IGSF11: variants seen among roughly 807,000 people sequenced by gnomAD.
IGSF11 encodes immunoglobulin superfamily member 11.
Under a neutral mutation model 41.0 loss-of-function variants are expected in IGSF11, and 22 were observed. The ratio of observed to expected loss-of-function variants is 0.54; its 90% CI spans 0.38 to 0.77. The LOEUF is 0.77. Ranked by LOEUF, IGSF11 falls within the 30% of genes least tolerant of loss-of-function variation. The probability of loss-of-function intolerance (pLI) is 0.00; values close to 1 mark genes in which losing one functional copy is unlikely to be tolerated. For synonymous variants in IGSF11, 219 were observed against 201.3 expected, an observed-to-expected ratio of 1.09 and a Z score of -0.74; for missense variants, 444 against 530.8, an observed-to-expected ratio of 0.84 and a Z score of 1.61.
At chr3:119,041,736 A>G (rs1157214957) in intron 1 of IGSF11, among the ~76,000 whole-genome samples, 1 of 152,234 alleles carries the variant, frequency 6.6e-6, no homozygotes, top group African/African-American at 2.4e-5. Flanking sequence ...ACTTATCAAC[A>G]TTTGCTCAAA....
rs1202738682 is a variant in IGSF11, at chr3:119,126,012, C to G, written c.-14+19801G>C. On this transcript the variant is annotated intron_variant, in intron 1 of 7. Transcript: ENST00000425327. ...GGAATCTGCTTAAGCCTACCAAACTCCTGTGGGGAGGGGCGACCAGCACCG... is the reference window on the plus strand; with the variant it reads ...GGAATCTGCTTAAGCCTACCAAACTGCTGTGGGGAGGGGCGACCAGCACCG... Among the ~76,000 whole-genome samples the G allele has an allele frequency of 2.0e-5, 3 of 152,262 alleles. No homozygotes were observed. The East Asian group carries it at 5.8e-4, about 29-fold the overall frequency.
chr3:118,933,042 G>T, intron 1 of IGSF11, among the ~76,000 whole-genome samples: 1 of 152,352 alleles, frequency 6.6e-6, no homozygotes, highest in South Asian at 2.1e-4. Context: ...GCAACAGGAC[G>T]GTTGGCACAG....
In IGSF11 at chr3:118,902,351, T is replaced by C; in HGVS notation, c.*169A>G. ...AAGTCTTCATGATGGAGCATTTCAGTCCATTTTACACATCTTAGTGGCCAA... is the reference window on the plus strand; with the variant it reads ...AAGTCTTCATGATGGAGCATTTCAGCCCATTTTACACATCTTAGTGGCCAA... On this transcript the variant is annotated 3_prime_UTR_variant, in exon 7 of 7. Transcript: ENST00000393775. 1 of 583,012 alleles carries C rather than the reference T, an allele frequency of 1.7e-6. No individual in the cohort carries two copies. The highest frequency in any genetic ancestry group is 3.0e-6 in the Non-Finnish European group (1 of 330,562). 36.1% of individuals were successfully genotyped at this position (583,012 alleles called of 1,614,324 possible).
intron 1 of IGSF11, among the ~76,000 whole-genome samples, chr3:119,135,326 TA>T (rs1290920430): frequency 6.6e-6 from 1 of 152,190 alleles, no homozygotes; most frequent in East Asian, 1.9e-4. Context: ...GACAAAGGGC[TA>T]ATATCCAGAA....
intron 4 of IGSF11, among the ~76,000 whole-genome samples, chr3:118,920,856 A>G (rs34213801): frequency 0.013 from 1,943 of 152,306 alleles, 20 homozygotes; most frequent in Non-Finnish European, 0.024. Context: ...CAATGCATGT[A>G]CAAATACCCT....
intron 4 of IGSF11, among the ~76,000 whole-genome samples, chr3:118,913,096 A>C (rs1031026752): frequency 9.9e-5 from 15 of 152,118 alleles, no homozygotes; most frequent in African/African-American, 3.6e-4. Flanking sequence ...ATCTGGAAAA[A>C]TAAAAAACAA....
At chr3:119,092,097 C>T (rs1468389861) in intron 1 of IGSF11, among the ~76,000 whole-genome samples, 1 of 151,586 alleles carries the variant, frequency 6.6e-6, no homozygotes, top group Non-Finnish European at 1.5e-5. Flanking sequence ...CTGAAACCTC[C>T]GCCTCCTGGG....
intron 1 of IGSF11, among the ~76,000 whole-genome samples, chr3:119,065,665 C>A (rs1576755001): frequency 6.6e-6 from 1 of 151,792 alleles, no homozygotes; most frequent in African/African-American, 2.4e-5. Context: ...TGGTGGTGTG[C>A]AACTGTAATC....
intron 1 of IGSF11, among the ~76,000 whole-genome samples, chr3:119,042,922 C>T (rs144947821): frequency 0.014 from 2,095 of 152,212 alleles, 35 homozygotes; most frequent in African/African-American, 0.048. Flanking sequence ...TCTTAGAGCT[C>T]CCAAGATGGT....
At chr3:119,039,940 A>T (rs1342771630) in intron 1 of IGSF11, among the ~76,000 whole-genome samples, 1 of 152,222 alleles carries the variant, frequency 6.6e-6, no homozygotes, top group East Asian at 1.9e-4. Context: ...TCCTGGGCGT[A>T]GGCTGAACTA....
chr3:119,078,744 C>A (rs1169957320), intron 1 of IGSF11, among the ~76,000 whole-genome samples: 5 of 152,090 alleles, frequency 3.3e-5, no homozygotes, highest in African/African-American at 1.2e-4. Flanking sequence ...AGAGCTTCTG[C>A]AAAGCAAACA....
At chr3:119,004,064 T>C (rs975097683) in intron 1 of IGSF11, among the ~76,000 whole-genome samples, 1 of 151,824 alleles carries the variant, frequency 6.6e-6, no homozygotes, top group Non-Finnish European at 1.5e-5. Flanking sequence ...GTACCTCTGG[T>C]AGAATTCGGC....
intron 4 of IGSF11, among the ~76,000 whole-genome samples, chr3:118,911,244 T>G (rs555268541): frequency 7.3e-5 from 11 of 151,212 alleles, no homozygotes; most frequent in African/African-American, 2.7e-4. Context: ...GTTTGCTTCA[T>G]GTCAGAGGGC....
intron 1 of IGSF11, among the ~76,000 whole-genome samples, chr3:119,044,576 T>C (rs1247587539): frequency 6.6e-6 from 1 of 152,142 alleles, no homozygotes; most frequent in Non-Finnish European, 1.5e-5. Flanking sequence ...GGTAAGTTCA[T>C]CACAAAAAGA....
chr3:119,069,918 T>A (rs1318601904), intron 1 of IGSF11, among the ~76,000 whole-genome samples: 2 of 152,182 alleles, frequency 1.3e-5, no homozygotes. Context: ...AATGATTCAC[T>A]CGAGTATGAG....
chr3:119,116,105 G>T (rs1265832694), intron 1 of IGSF11, among the ~76,000 whole-genome samples: 1 of 152,140 alleles, frequency 6.6e-6, no homozygotes, highest in African/African-American at 2.4e-5. Context: ...CATTATTTCT[G>T]GGTGTGTCTG....
chr3:118,992,972 T>C (rs528622549), intron 1 of IGSF11, among the ~76,000 whole-genome samples: 1 of 152,284 alleles, frequency 6.6e-6, no homozygotes, highest in South Asian at 2.1e-4. Context: ...ACATCTAGAA[T>C]ACCAGCACCT....
chr3:119,055,562 C>G (rs982285406), intron 1 of IGSF11, among the ~76,000 whole-genome samples: 4 of 152,096 alleles, frequency 2.6e-5, no homozygotes, highest in Non-Finnish European at 5.9e-5. Context: ...GACAGAACAA[C>G]GAGACAGAAA....
At chr3:118,965,184 T>C (rs1483884695) in intron 1 of IGSF11, among the ~76,000 whole-genome samples, 1 of 152,126 alleles carries the variant, frequency 6.6e-6, no homozygotes, top group Non-Finnish European at 1.5e-5. Context: ...TAGCATATAA[T>C]TTTAGAAAAT....
Sources: gnomAD v4.1 joint callset for allele counts (sites outside exome capture counted in the v4.1 genomes callset) on GRCh38, gnomAD v4.1.1 for gene constraint, MANE v1.5 for transcripts, NCBI Gene and HGNC (gene_info 2026-07-23, HGNC 2026-07-21) for gene names.